The following PHACTR3 variants were observed in gnomAD, a reference collection of about 807,000 sequenced individuals.
The protein encoded by PHACTR3 is phosphatase and actin regulator 3.
Under a neutral mutation model 66.8 loss-of-function variants are expected in PHACTR3, and 16 were observed. The ratio of observed to expected loss-of-function variants is 0.24; its 90% confidence interval spans 0.16 to 0.36. The LOEUF (loss-of-function observed/expected upper bound fraction) is 0.36, where lower values mean the gene tolerates loss of function less well. Ranked by LOEUF, PHACTR3 falls within the 10% of genes least tolerant of loss-of-function variation. The probability of loss-of-function intolerance (pLI) is 1.00; values close to 1 mark genes in which losing one functional copy is unlikely to be tolerated. For synonymous variants in PHACTR3, 323 were observed against 292.1 expected, an observed-to-expected ratio of 1.11 and a Z score of -1.08; for missense variants, 647 against 719.9, an observed-to-expected ratio of 0.90 and a Z score of 1.16.
At chr20:59,677,997 C>T (rs553313039) in intron 1 of PHACTR3, among the ~76,000 whole-genome samples, 7 of 152,262 alleles carry the variant, frequency 4.6e-5, no homozygotes, top group South Asian at 4.1e-4. Flanking sequence ...AACGTACTGC[C>T]GTTGAATCTC....
intron 4 of PHACTR3, among the ~76,000 whole-genome samples, chr20:59,764,294 A>G (rs904068197): frequency 6.6e-6 from 1 of 151,692 alleles, no homozygotes; most frequent in Non-Finnish European, 1.5e-5. Flanking sequence ...CCTCCCTGGT[A>G]TGAGGACACT....
chr20:59,597,800 A>G (rs1476976472), intron 1 of PHACTR3, among the ~76,000 whole-genome samples: 1 of 152,184 alleles, frequency 6.6e-6, no homozygotes, highest in Non-Finnish European at 1.5e-5. Context: ...GCAGGGTCAC[A>G]GGCTGGCTGC....
rs1247406187 is a variant in PHACTR3, at chr20:59,829,959, C to T, written c.1329-6546C>T. Among the ~76,000 whole-genome samples the T allele has an allele frequency of 6.6e-6, 1 of 152,210 alleles. No homozygotes were observed. The highest frequency in any genetic ancestry group is 1.5e-5 in the Non-Finnish European group (1 of 68,030). ...AGCTTGGGGAGCTGGAACTATGCTT[C>T]TCCTGACCCCGTGTCCTTCCACTTC... On this transcript the variant is annotated intron_variant, in intron 8 of 12. Coordinates refer to ENST00000371015, the MANE Select transcript of PHACTR3 (RefSeq NM_080672.5). The surrounding 1 kb of genome is among the most constrained non-coding windows in gnomAD (Gnocchi z 4.2).
At chr20:59,759,701 G>C (rs746593729) in intron 4 of PHACTR3, among the ~76,000 whole-genome samples, 16 of 152,206 alleles carry the variant, frequency 1.1e-4, no homozygotes, top group Non-Finnish European at 2.1e-4. Flanking sequence ...TAGATGCTGT[G>C]TGTCTGATGC....
At chr20:59,679,741 A>C (rs1388692355) in intron 1 of PHACTR3, among the ~76,000 whole-genome samples, 2 of 152,184 alleles carry the variant, frequency 1.3e-5, no homozygotes, top group Admixed American at 6.5e-5. Flanking sequence ...GTGGCAGCAG[A>C]CAAGAGATAA....
intron 9 of PHACTR3, among the ~76,000 whole-genome samples, chr20:59,839,917 C>T (rs530042844): frequency 1.1e-4 from 17 of 152,192 alleles, no homozygotes; most frequent in Non-Finnish European, 1.6e-4. Context: ...AAAGTCTGTA[C>T]GCTTATTAAG....
At chr20:59,725,088 G>C (rs1329099244) in intron 1 of PHACTR3, among the ~76,000 whole-genome samples, 5 of 152,130 alleles carry the variant, frequency 3.3e-5, no homozygotes, top group Non-Finnish European at 7.4e-5. Context: ...TGTGTGCTCA[G>C]TAAGGCTGTG....
Position 59,799,570 on chromosome 20 carries a change from C to A in PHACTR3, c.1175-6471C>A, listed in dbSNP as rs770622337. Among the ~76,000 whole-genome samples, 10 of 152,124 alleles carry A rather than the reference C, an allele frequency of 6.6e-5. No homozygotes were observed. The East Asian group carries it at 1.9e-3, about 29-fold the overall frequency. On this transcript the variant is annotated intron_variant, in intron 7 of 12. Coordinates refer to ENST00000371015, the MANE Select transcript of PHACTR3 (RefSeq NM_080672.5). ...ATGAGGTTTCTTGCTCTGAATTCTA[C>A]CTTGCTTGACATTAATGTGCCCATT...
intron 3 of PHACTR3, among the ~76,000 whole-genome samples, chr20:59,750,910 G>T (rs184590632): frequency 6.6e-6 from 1 of 152,208 alleles, no homozygotes; most frequent in Non-Finnish European, 1.5e-5. Flanking sequence ...TCCCTGCACC[G>T]CAGTTTCCGT....
intron 1 of PHACTR3, among the ~76,000 whole-genome samples, chr20:59,606,019 G>A (rs1163040776): frequency 6.6e-6 from 1 of 152,188 alleles, no homozygotes; most frequent in East Asian, 1.9e-4. Context: ...TGGTGTTTTG[G>A]TATCAAGCCA....
chr20:59,663,193 C>A (rs1488226692), intron 1 of PHACTR3, among the ~76,000 whole-genome samples: 1 of 152,230 alleles, frequency 6.6e-6, no homozygotes, highest in Non-Finnish European at 1.5e-5. Flanking sequence ...GGGTTTAGGA[C>A]CCACCATAGG....
At chr20:59,677,442 G>T (rs2036488138) in intron 1 of PHACTR3, among the ~76,000 whole-genome samples, 1 of 152,186 alleles carries the variant, frequency 6.6e-6, no homozygotes, top group Admixed American at 6.5e-5. Context: ...AAAATGGTTT[G>T]CAAGTGAAGT....
chr20:59,760,820 G>A (rs917735782), intron 4 of PHACTR3, among the ~76,000 whole-genome samples: 1 of 152,134 alleles, frequency 6.6e-6, no homozygotes, highest in Admixed American at 6.6e-5. Context: ...GACAGGGGCT[G>A]AGTTCTGGCC....
intron 1 of PHACTR3, among the ~76,000 whole-genome samples, chr20:59,651,357 T>C (rs1465645883): frequency 6.6e-6 from 1 of 152,250 alleles, no homozygotes; most frequent in East Asian, 1.9e-4. Context: ...ATTGCCTCTA[T>C]AGTTGGTTGC....
At chr20:59,785,876 A>G (rs1985874) in intron 7 of PHACTR3, among the ~76,000 whole-genome samples, 15 of 10,796 alleles carry the variant, frequency 1.4e-3, no homozygotes, top group Middle Eastern at 0.062. Context: ...TGCATCCCCT[A>G]CTTCATTTTG....
intron 8 of PHACTR3, among the ~76,000 whole-genome samples, chr20:59,826,246 TC>T (rs796495819): frequency 6.6e-6 from 1 of 152,026 alleles, no homozygotes; most frequent in South Asian, 2.1e-4. Flanking sequence ...GGAGCTCTGC[TC>T]CTCAGCAGGT....
intron 7 of PHACTR3, among the ~76,000 whole-genome samples, chr20:59,799,883 T>C (rs2041362758): frequency 6.6e-6 from 1 of 152,176 alleles, no homozygotes; most frequent in African/African-American, 2.4e-5. Flanking sequence ...CTTTTCTATC[T>C]TTCTGCTTTC....
chr20:59,660,856 T>C (rs569732373), intron 1 of PHACTR3, among the ~76,000 whole-genome samples: 1 of 152,356 alleles, frequency 6.6e-6, no homozygotes, highest in African/African-American at 2.4e-5. Context: ...ACAATAGTCA[T>C]TGCCTTTGCC....
intron 1 of PHACTR3, among the ~76,000 whole-genome samples, chr20:59,727,672 T>C (rs1234533918): frequency 1.3e-5 from 2 of 152,202 alleles, no homozygotes; most frequent in South Asian, 2.1e-4. Context: ...GAGGTACTTA[T>C]AAAGCCGAAT....
Sources: gnomAD v4.1 joint callset for allele counts (sites outside exome capture counted in the v4.1 genomes callset) on GRCh38, gnomAD v4.1.1 for gene constraint, Gnocchi (gnomAD v3.1) non-coding constraint, MANE v1.5 for transcripts, NCBI Gene and HGNC (gene_info 2026-07-23, HGNC 2026-07-21) for gene names.